TBC1D8: variants seen among roughly 807,000 people sequenced by gnomAD.
TBC1D8 encodes TBC1 domain family member 8.
In TBC1D8, 65 loss-of-function variants were observed where a neutral mutation model predicts 118.8. That is an observed-to-expected ratio of 0.55 (90% confidence interval 0.45 to 0.67). TBC1D8 has a LOEUF of 0.67. Ranked by LOEUF, TBC1D8 falls within the 30% of genes least tolerant of loss-of-function variation. TBC1D8 has a pLI of 0.00. For synonymous variants in TBC1D8, 566 were observed against 595.8 expected (o/e 0.95, Z 0.73); for missense variants, 1,376 against 1,471.2 (o/e 0.94, Z 1.06).
intron 1 of TBC1D8, among the ~76,000 whole-genome samples, chr2:101,126,659 A>C (rs929742590): frequency 1.2e-4 from 19 of 152,344 alleles, no homozygotes; most frequent in African/African-American, 4.6e-4. Context: ...TCAATATGAA[A>C]ACGTATGGTA....
At chr2:101,084,849 ATT>A (rs70943062) in intron 2 of TBC1D8, among the ~76,000 whole-genome samples, 9 of 136,312 alleles carry the variant, frequency 6.6e-5, no homozygotes, top group Admixed American at 1.5e-4. Context: ...GGTATTCACT[ATT>A]TTTTTTTTTT....
chr2:101,032,855 T>C, intron 10 of TBC1D8: 1 of 162,252 alleles, frequency 6.2e-6, no homozygotes, highest in Non-Finnish European at 1.4e-5. Flanking sequence ...ATTTTCCTTT[T>C]GTGCCTGCTG....
At chr2:101,027,354 G>C in intron 15 of TBC1D8, 29 bp downstream of exon 15, 1 of 1,607,744 alleles carries the variant, frequency 6.2e-7, no homozygotes, top group Non-Finnish European at 8.5e-7. Flanking sequence ...TCAGGGCCTG[G>C]AACCCCTCAT....
At chr2:101,033,349 A>G in intron 10 of TBC1D8, 195 bp downstream of exon 10, 1 of 714,914 alleles carries the variant, frequency 1.4e-6, no homozygotes, top group Non-Finnish European at 2.5e-6. Flanking sequence ...TCCTGACCTC[A>G]TGATCCGTTG....
chr2:101,148,160 A>C (rs10205587), intron 1 of TBC1D8, among the ~76,000 whole-genome samples: 3 of 152,014 alleles, frequency 2.0e-5, no homozygotes, highest in African/African-American at 7.3e-5. Flanking sequence ...TGGAGGAAAC[A>C]ATTGTGTTTC....
chr2:101,135,223 A>G (rs11898628), intron 1 of TBC1D8, among the ~76,000 whole-genome samples: 28,885 of 152,152 alleles, frequency 0.19, 3,223 homozygotes, highest in African/African-American at 0.3. Flanking sequence ...TTACAGTGAG[A>G]TACACGTCTT....
In TBC1D8 at chr2:101,054,476, G is replaced by A. The variant is rs994673239; in HGVS notation, c.403-140C>T. 66 of 777,812 alleles carry A rather than the reference G, an allele frequency of 8.5e-5. No homozygotes were observed. In the Admixed American group the frequency reaches 1.3e-3, roughly 16 times the overall value. 48.2% of individuals were successfully genotyped at this position (777,812 alleles called of 1,614,324 possible). On this transcript the variant is annotated intron_variant, in intron 3 of 19. Coordinates refer to ENST00000409318, the MANE Select transcript of TBC1D8 (RefSeq NM_001330348.2). ...TGCTTCAACGACAGACACACCTGAC[G>A]AGGAGAATGGCTCAGCCGTGTCATC... is the stretch of plus-strand genomic sequence containing the variant.
At chr2:101,097,339 A>T (rs945810396) in intron 1 of TBC1D8, among the ~76,000 whole-genome samples, 5 of 152,188 alleles carry the variant, frequency 3.3e-5, no homozygotes, top group African/African-American at 1.2e-4. Context: ...AAAGAAAATG[A>T]CATAGGTCAG....
intron 2 of TBC1D8, among the ~76,000 whole-genome samples, chr2:101,067,582 CAT>C (rs1237651159): frequency 2.0e-5 from 3 of 152,200 alleles, no homozygotes; most frequent in East Asian, 1.9e-4. Flanking sequence ...CTAAAAAGTA[CAT>C]GTCTTACCTA....
chr2:101,020,948 C>T (rs1573878748), intron 17 of TBC1D8, among the ~76,000 whole-genome samples: 2 of 152,226 alleles, frequency 1.3e-5, no homozygotes, highest in Non-Finnish European at 2.9e-5. Flanking sequence ...TTCAGGCATC[C>T]ACGGGGAGTT....
At chr2:101,110,807 C>T (rs571616188) in intron 1 of TBC1D8, among the ~76,000 whole-genome samples, 7 of 151,846 alleles carry the variant, frequency 4.6e-5, no homozygotes, top group African/African-American at 1.7e-4. Flanking sequence ...CCCATCTCTA[C>T]AAAAAATACA....
At chr2:101,076,742 C>T (rs962736456) in intron 2 of TBC1D8, among the ~76,000 whole-genome samples, 1 of 152,250 alleles carries the variant, frequency 6.6e-6, no homozygotes. Context: ...CTGCTCTAAC[C>T]AATCCTTATC....
At chr2:101,008,335 T>TAAAC in intron 19 of TBC1D8, 62 bp from the exon 20 acceptor site, 2 of 1,265,044 alleles carry the variant, frequency 1.6e-6, no homozygotes, top group Non-Finnish European at 2.1e-6. Context: ...TTTTTTTTTT[T>TAAAC]AAACATACCT....
chr2:101,043,598 G>A (rs1681519126), intron 5 of TBC1D8, among the ~76,000 whole-genome samples: 1 of 152,070 alleles, frequency 6.6e-6, no homozygotes, highest in Admixed American at 6.6e-5. Flanking sequence ...CAGAAGGGTG[G>A]GAGTACTTGT....
intron 2 of TBC1D8, 49 bp from the exon 3 acceptor site, chr2:101,059,588 T>G (rs770688754): frequency 1.4e-6 from 2 of 1,409,986 alleles, no homozygotes; most frequent in Non-Finnish European, 2.0e-6. Context: ...GCAATAGAAG[T>G]AATTCCTAGA....
intron 1 of TBC1D8, among the ~76,000 whole-genome samples, chr2:101,121,169 A>C (rs1256323473): frequency 1.3e-5 from 2 of 152,242 alleles, no homozygotes; most frequent in Non-Finnish European, 2.9e-5. Context: ...GAAAAAAATA[A>C]GAGAAAAAGA....
At chr2:101,088,015 T>A (rs977712323) in intron 2 of TBC1D8, among the ~76,000 whole-genome samples, 5 of 152,262 alleles carry the variant, frequency 3.3e-5, no homozygotes, top group Admixed American at 2.6e-4. Context: ...AAGTTTAACA[T>A]TTCTTTGGTT....
At chr2:101,122,157 T>G (rs1678143044) in intron 1 of TBC1D8, among the ~76,000 whole-genome samples, 3 of 149,996 alleles carry the variant, frequency 2.0e-5, no homozygotes, top group Non-Finnish European at 4.4e-5. Flanking sequence ...CTACAACCTC[T>G]GCCTCCTGGG....
chr2:101,140,477 G>A (rs1409154738), intron 1 of TBC1D8, among the ~76,000 whole-genome samples: 1 of 152,030 alleles, frequency 6.6e-6, no homozygotes, highest in African/African-American at 2.4e-5. Context: ...GGCAATGAGG[G>A]GACACAGCTT....
Sources: allele counts gnomAD v4.1 joint callset (sites outside exome capture counted in the v4.1 genomes callset), GRCh38; gene constraint gnomAD v4.1.1; transcripts MANE v1.5; gene names NCBI Gene and HGNC (gene_info 2026-07-23, HGNC 2026-07-21).